DNAJC10: variants seen among roughly 807,000 people sequenced by gnomAD.
DNAJC10 encodes the protein DnaJ heat shock protein family (Hsp40) member C10.
DNAJC10 carries 101 observed loss-of-function variants against 115.0 expected under a neutral mutation model. The observed-to-expected ratio is 0.88, with a 90% CI of 0.75 to 1.04. DNAJC10 has a LOEUF of 1.04. Among genes scored for constraint, DNAJC10 ranks in the 50% least tolerant of loss-of-function variants. DNAJC10 has a pLI of 0.00. For synonymous variants in DNAJC10, 307 were observed against 301.5 expected (o/e 1.02, Z -0.19); for missense variants, 981 against 928.8 (o/e 1.06, Z -0.73).
At position 182,785,781 on chromosome 2, in the gene DNAJC10, A is replaced by G. The variant is rs1407863740; in HGVS notation, c.*8649A>G. 6.6e-6 allele frequency: 1 copy of G among 152,146 alleles called. No homozygotes were observed. Among genetic ancestry groups the G allele is most frequent in the African/African-American group, 2.4e-5 (1 of 41,438 alleles). The allele number at this position is 152,146 out of a possible 1,614,324, so 9.4% of individuals were successfully genotyped here. On this transcript the variant is annotated 3_prime_UTR_variant, in exon 24 of 24. Transcript: ENST00000264065. ...ATTGTATACATTTATATATACATAG[A>G]TCTATAGAGACAGTAGGATATATTT...
In DNAJC10 at chr2:182,785,209, T is replaced by A. The variant is rs1694924968; in HGVS notation, c.*8077T>A. 6.6e-6 allele frequency: 1 copy of A among 152,176 alleles called. No individual in the cohort carries two copies. Among genetic ancestry groups the A allele is most frequent in the Non-Finnish European group, 1.5e-5 (1 of 68,036 alleles). The allele number at this position is 152,176 out of a possible 1,614,324, so 9.4% of individuals were successfully genotyped here. ...ATACATGTATTGGAGCTCAGCAGAT[T>A]CCCATTCATGAAGAATGGTGCCTGT... On this transcript the variant is annotated 3_prime_UTR_variant, in exon 24 of 24. Transcript: ENST00000264065.
Position 182,782,085 on chromosome 2 carries a change from T to C in DNAJC10, c.*4953T>C, listed in dbSNP as rs1192591417. The C allele has an allele frequency of 1.3e-5, 2 of 152,208 alleles. No individual in the cohort carries two copies. The highest frequency in any genetic ancestry group is 2.9e-5 in the Non-Finnish European group (2 of 68,030). 9.4% of individuals were successfully genotyped at this position (152,208 alleles called of 1,614,324 possible). On this transcript the variant is annotated 3_prime_UTR_variant, in exon 24 of 24. Coordinates refer to ENST00000264065, the MANE Select transcript of DNAJC10 (RefSeq NM_018981.4). ...CTAGGTTTTTTATGGTTTCAGACCT[T>C]ACATTTAAGTCTTTAATCTATCAAC...
At chr2:182,756,278 A>C (rs942388153) in intron 17 of DNAJC10, 36 bp from the exon 18 acceptor site, 1 of 1,564,330 alleles carries the variant, frequency 6.4e-7, no homozygotes, top group Non-Finnish European at 8.7e-7. Flanking sequence ...GCTATGCTTT[A>C]TATATATGTT....
chr2:182,744,269 C>T (rs1693808492), intron 14 of DNAJC10, among the ~76,000 whole-genome samples: 1 of 152,144 alleles, frequency 6.6e-6, no homozygotes, highest in Non-Finnish European at 1.5e-5. Flanking sequence ...CACAGACTAC[C>T]AACTACCATG....
Position 182,741,361 on chromosome 2 carries a change from GA to G in DNAJC10, c.1191+10del. 4.9e-6 allele frequency: 7 copies of G among 1,441,636 alleles called. No homozygotes were observed. The highest frequency in any genetic ancestry group is 6.7e-6 in the Non-Finnish European group (7 of 1,043,798). 89.3% of individuals were successfully genotyped at this position (1,441,636 alleles called of 1,614,324 possible). On this transcript the variant is annotated splice_donor_region_variant and intron_variant, in intron 13 of 23. Transcript: ENST00000264065. ...CTTAAAAATGATCATATTCAAGTAA[GA>G]AAAATGTATTCTGCCTAGCCTTCTG...
In DNAJC10 at chr2:182,745,981, T is replaced by C. The variant is rs560826680; in HGVS notation, c.1306+2269T>C. ...CAATTCCCACCTATGAGTGAGAACA[T>C]GCAGTGTTTGGTTTTTTGTCTTTGC... is the stretch of plus-strand genomic sequence containing the variant. On this transcript the variant is annotated intron_variant, in intron 14 of 23. Coordinates refer to ENST00000264065, the MANE Select transcript of DNAJC10 (RefSeq NM_018981.4). Among the ~76,000 whole-genome samples, 185 of 152,084 alleles carry C rather than the reference T, an allele frequency of 1.2e-3. 1 individual carries two copies. Among genetic ancestry groups the C allele is most frequent in the African/African-American group, 4.2e-3 (175 of 41,490 alleles).
At chr2:182,739,204 A>G (rs1693665931) in intron 11 of DNAJC10, among the ~76,000 whole-genome samples, 2 of 145,086 alleles carry the variant, frequency 1.4e-5, no homozygotes, top group Non-Finnish European at 3.0e-5. Context: ...ATATTTATAT[A>G]TATTTATATA....
At chr2:182,755,174 A>T (rs1694126236) in intron 17 of DNAJC10, 70 bp downstream of exon 17, 1 of 908,384 alleles carries the variant, frequency 1.1e-6, no homozygotes, top group East Asian at 2.5e-5. Flanking sequence ...TGAATGTTTC[A>T]TATTGTTTAA....
chr2:182,748,960 G>A (rs921497619), intron 14 of DNAJC10, among the ~76,000 whole-genome samples: 4 of 151,620 alleles, frequency 2.6e-5, no homozygotes, highest in Non-Finnish European at 5.9e-5. Context: ...ATGTAGTTGA[G>A]CGGTTTTGAG....
chr2:182,728,431 A>G, intron 5 of DNAJC10, 145 bp from the exon 6 acceptor site: 1 of 548,356 alleles, frequency 1.8e-6, no homozygotes, highest in Non-Finnish European at 3.1e-6. Flanking sequence ...GAAGATATAG[A>G]AAAACATCAC....
At chr2:182,740,481 C>A in intron 12 of DNAJC10, 93 bp downstream of exon 12, 2 of 1,228,332 alleles carry the variant, frequency 1.6e-6, no homozygotes, top group Non-Finnish European at 1.1e-6. Flanking sequence ...TTATTCATCT[C>A]TAGAGAGAAT....
chr2:182,791,530 T>C lies in DNAJC10; in HGVS notation c.*14398T>C, dbSNP rs929809549. 6.6e-6 allele frequency: 1 copy of C among 152,236 alleles called. No homozygotes were observed. Among genetic ancestry groups the C allele is most frequent in the Non-Finnish European group, 1.5e-5 (1 of 68,036 alleles). 9.4% of individuals were successfully genotyped at this position (152,236 alleles called of 1,614,324 possible). A position where few individuals can be genotyped will look rare whatever the true frequency, so the allele number is the denominator to read the frequency against. On this transcript the variant is annotated 3_prime_UTR_variant, in exon 24 of 24. Transcript: ENST00000264065. ...AGTAGCTCTGTCCATAATGATTATA[T>C]AGTTGTTAGCAAAATATTGGTCAAA... is the stretch of plus-strand genomic sequence containing the variant.
At chr2:182,751,247 G>T (rs933537158) in intron 14 of DNAJC10, among the ~76,000 whole-genome samples, 1 of 139,580 alleles carries the variant, frequency 7.2e-6, no homozygotes, top group African/African-American at 2.7e-5. Flanking sequence ...CAGTTCTCCT[G>T]CCTCAGCCTC....
At chr2:182,750,132 A>C (rs779459898) in intron 14 of DNAJC10, among the ~76,000 whole-genome samples, 4 of 152,170 alleles carry the variant, frequency 2.6e-5, no homozygotes, top group Non-Finnish European at 5.9e-5. Context: ...GACTGATGAG[A>C]TGTGTGGGAG....
intron 14 of DNAJC10, among the ~76,000 whole-genome samples, chr2:182,744,168 C>T (rs998437212): frequency 6.6e-6 from 1 of 152,178 alleles, no homozygotes; most frequent in African/African-American, 2.4e-5. Flanking sequence ...GACTTTAGCT[C>T]TGCATTCATG....
chr2:182,739,553 T>C (rs1389130698), intron 11 of DNAJC10: 30 of 1,222,848 alleles, frequency 2.5e-5, no homozygotes, highest in Non-Finnish European at 3.1e-5. Context: ...AGCTGCTTCA[T>C]TGAGAGAATC....
chr2:182,727,276 A>C (rs144007448), intron 5 of DNAJC10, among the ~76,000 whole-genome samples: 2,495 of 151,962 alleles, frequency 0.016, 36 homozygotes, highest in Non-Finnish European at 0.026. Context: ...ATACCATTCA[A>C]ATTTGTTTTA....
intron 13 of DNAJC10, 85 bp downstream of exon 13, chr2:182,741,441 A>G: frequency 1.6e-6 from 1 of 624,380 alleles, no homozygotes; most frequent in Non-Finnish European, 2.6e-6. Flanking sequence ...AAATAACATA[A>G]AAACTCTTAT....
Position 182,759,140 on chromosome 2 carries a change from A to G in DNAJC10, c.1998-20A>G, listed in dbSNP as rs761817288. ...CTTTGGTTTTATATAATGAAAAATGATTTTGATCATTTGCCACAGATTTTT... is the reference window on the plus strand; with the variant it reads ...CTTTGGTTTTATATAATGAAAAATGGTTTTGATCATTTGCCACAGATTTTT... On this transcript the variant is annotated intron_variant, in intron 20 of 23. Transcript: ENST00000264065. 1 of 1,560,416 alleles carries G rather than the reference A, an allele frequency of 6.4e-7. No homozygotes were observed. Among genetic ancestry groups the G allele is most frequent in the South Asian group, 1.2e-5 (1 of 83,990 alleles).
Sources: allele counts gnomAD v4.1 joint callset (sites outside exome capture counted in the v4.1 genomes callset), GRCh38; gene constraint gnomAD v4.1.1; transcripts MANE v1.5; gene names NCBI Gene and HGNC (gene_info 2026-07-23, HGNC 2026-07-21).